Variants in TOP6BL observed in about 807,000 individuals in gnomAD.
TOP6BL encodes TOP6B like initiator of meiotic double strand breaks.
At chr11:66,774,163 G>A in the TOP6BL span, among the ~76,000 whole-genome samples, 1 of 152,046 alleles carries the variant, frequency 6.6e-6, no homozygotes, top group Non-Finnish European at 1.5e-5. Context: ...TATTTATGAT[G>A]TAAGTTAGGA....
At chr11:66,814,023 C>T in the TOP6BL span, 1 of 1,607,420 alleles carries the variant, frequency 6.2e-7, no homozygotes. Flanking sequence ...GAGGTATATC[C>T]TCCCTCTTTC....
chr11:66,800,667 A>T, the TOP6BL span: 3 of 1,606,384 alleles, frequency 1.9e-6, no homozygotes, highest in Non-Finnish European at 2.6e-6. Flanking sequence ...GTGTAAAGGT[A>T]AATGGAATCC....
chr11:66,761,779 G>T, the TOP6BL span: 4 of 794,542 alleles, frequency 5.0e-6, no homozygotes, highest in East Asian at 2.6e-5. Context: ...ATTCAAACTC[G>T]CTGGTGGACC....
the TOP6BL span, among the ~76,000 whole-genome samples, chr11:66,784,092 G>A: frequency 3.9e-5 from 6 of 152,046 alleles, no homozygotes; most frequent in African/African-American, 9.6e-5. Flanking sequence ...GTGTAGTGGC[G>A]CGATCTCGGC....
At chr11:66,804,259 A>G in the TOP6BL span, 16 of 1,225,266 alleles carry the variant, frequency 1.3e-5, no homozygotes, top group African/African-American at 2.4e-4. Flanking sequence ...GTTTTAGGAA[A>G]GCCTTTAGTA....
chr11:66,782,269 C>G, the TOP6BL span, among the ~76,000 whole-genome samples: 37,166 of 152,104 alleles, frequency 0.24, 4,604 homozygotes, highest in Middle Eastern at 0.32. Context: ...CCATTTCTAG[C>G]TAGGCCTGAA....
chr11:66,754,846 A>G, the TOP6BL span, among the ~76,000 whole-genome samples: 1,850 of 152,280 alleles, frequency 0.012, 38 homozygotes, highest in African/African-American at 0.042. Context: ...CTTCTCCCCA[A>G]TCCACACCAA....
chr11:66,751,870 T>C, the TOP6BL span, among the ~76,000 whole-genome samples: 3 of 152,180 alleles, frequency 2.0e-5, no homozygotes, highest in African/African-American at 4.8e-5. Context: ...TAATACTTAT[T>C]TTATTTTCTG....
the TOP6BL span, chr11:66,821,846 C>T: frequency 6.0e-6 from 9 of 1,492,244 alleles, no homozygotes; most frequent in African/African-American, 1.1e-4. Flanking sequence ...GGCCCAGGAG[C>T]CCTTCCTCCC....
chr11:66,806,549 C>G, the TOP6BL span, among the ~76,000 whole-genome samples: 2 of 152,170 alleles, frequency 1.3e-5, no homozygotes, highest in African/African-American at 4.8e-5. Flanking sequence ...TGGCGGAGCA[C>G]TTGAGGTCAG....
chr11:66,838,571 C>A, the TOP6BL span: 1 of 781,380 alleles, frequency 1.3e-6, no homozygotes, highest in Non-Finnish European at 2.1e-6. Flanking sequence ...ATTTAGTGGG[C>A]TGTTGCTGCC....
the TOP6BL span, among the ~76,000 whole-genome samples, chr11:66,770,982 C>T: frequency 1.6e-4 from 24 of 152,068 alleles, no homozygotes; most frequent in South Asian, 2.5e-3. Flanking sequence ...ATGTTGGGTA[C>T]GCTATAAATT....
the TOP6BL span, chr11:66,814,111 A>T: frequency 4.5e-6 from 6 of 1,323,504 alleles, no homozygotes; most frequent in East Asian, 1.5e-4. Context: ...TAAAAATATG[A>T]CCAGAGATCT....
At chr11:66,794,355 T>C in the TOP6BL span, among the ~76,000 whole-genome samples, 4 of 152,116 alleles carry the variant, frequency 2.6e-5, no homozygotes, top group African/African-American at 9.7e-5. Flanking sequence ...TCTAGGAGAC[T>C]GTTTCTAACT....
the TOP6BL span, among the ~76,000 whole-genome samples, chr11:66,763,622 T>G: frequency 6.6e-6 from 1 of 152,054 alleles, no homozygotes; most frequent in Admixed American, 6.6e-5. Context: ...TTATTATTTT[T>G]GAGACAGGGC....
chr11:66,814,425 A>G, the TOP6BL span, among the ~76,000 whole-genome samples: 1 of 152,000 alleles, frequency 6.6e-6, no homozygotes, highest in Non-Finnish European at 1.5e-5. Context: ...TGCCTGGCTA[A>G]TAGTTTTTTG....
At chr11:66,838,973 C>A in the TOP6BL span, among the ~76,000 whole-genome samples, 4 of 152,174 alleles carry the variant, frequency 2.6e-5, no homozygotes, top group South Asian at 6.2e-4. Context: ...CCTTGTGATC[C>A]GCCTGCCTTG....
chr11:66,788,363 G>T, the TOP6BL span: 1 of 958,248 alleles, frequency 1.0e-6, no homozygotes. Flanking sequence ...GTCCATCAAA[G>T]TTCCAAGCTG....
the TOP6BL span, among the ~76,000 whole-genome samples, chr11:66,751,600 C>T: frequency 6.6e-6 from 1 of 151,474 alleles, no homozygotes; most frequent in African/African-American, 2.4e-5. Flanking sequence ...GCCTCCCAAA[C>T]TGCTCGAATT....
Sources: allele counts gnomAD v4.1 joint callset (sites outside exome capture counted in the v4.1 genomes callset), GRCh38; gene constraint gnomAD v4.1.1; transcripts MANE v1.5; gene names NCBI Gene and HGNC (gene_info 2026-07-23, HGNC 2026-07-21).